Variants in CNTLN observed in about 807,000 individuals in gnomAD.
CNTLN encodes centlein, also known as centlein, centrosomal protein.
Under a neutral mutation model 180.0 loss-of-function variants are expected in CNTLN, and 212 were observed. The ratio of observed to expected loss-of-function variants is 1.18; its 90% confidence interval spans 1.05 to 1.32. CNTLN has a LOEUF of 1.32. CNTLN is among the 40% of genes most tolerant of loss of function. The pLI, the probability that CNTLN is intolerant of heterozygous loss-of-function variation, is 0.00. For missense variants in CNTLN, 2,095 were observed against 1,610.9 expected (o/e 1.30, Z -5.14); for synonymous variants, 722 against 563.1 (o/e 1.28, Z -3.99).
rs548187087 is a variant in CNTLN, at chr9:17,341,018, C to T, written c.1766+70C>T. 45 of 1,339,852 alleles carry T rather than the reference C, an allele frequency of 3.4e-5. 2 individuals are homozygous for T. In the South Asian group the frequency reaches 5.2e-4, roughly 15 times the overall value. 83.0% of individuals were successfully genotyped at this position (1,339,852 alleles called of 1,614,324 possible). On this transcript the variant is annotated intron_variant, in intron 11 of 25. Transcript: ENST00000380647. The stretch of plus-strand genomic sequence containing the variant: ...GAATGGAGTAGCATTATATAGGTGT[C>T]TTAATGGCTTTTGTTTGGTTTTAAA...
Position 17,342,384 on chromosome 9 carries a change from A to T in CNTLN, c.1826A>T (p.Asp609Val). The change falls in exon 12 of 26, where the codon GAC (aspartate) becomes GTC (valine). Residue 609 changes from aspartate (D) to valine (V), a missense_variant. By Grantham distance (152) the Asp-to-Val change is radical. Coordinates refer to ENST00000380647, the MANE Select transcript of CNTLN (RefSeq NM_017738.4). ...CAACAACTTCGACAAGAAGATTCTG[A>T]CGCTGTGTGGAATGAACTGGCATAT... ...DPQQLRQEDSDAVWNELAYFK... is the reference protein window; with the variant it reads ...DPQQLRQEDSVAVWNELAYFK... The T allele has an allele frequency of 6.2e-7, 1 of 1,612,362 alleles. No individual in the cohort carries two copies. Among genetic ancestry groups the T allele is most frequent in the Non-Finnish European group, 8.5e-7 (1 of 1,179,232 alleles).
At chr9:17,250,465 T>C (rs890559391) in intron 5 of CNTLN, among the ~76,000 whole-genome samples, 6 of 152,056 alleles carry the variant, frequency 3.9e-5, no homozygotes, top group African/African-American at 1.4e-4. Flanking sequence ...AGTTGATTTT[T>C]TCTAGTGACA....
intron 19 of CNTLN, 100 bp downstream of exon 19, chr9:17,457,815 T>C (rs1831220212): frequency 1.3e-6 from 1 of 767,750 alleles, no homozygotes; most frequent in East Asian, 3.4e-5. Flanking sequence ...AGGTAAATTA[T>C]GTTATAGATA....
At chr9:17,520,400 A>G in the CNTLN span, among the ~76,000 whole-genome samples, 5 of 152,158 alleles carry the variant, frequency 3.3e-5, no homozygotes, top group African/African-American at 4.8e-5. Flanking sequence ...TCCCTTAATA[A>G]CTTCTGCCTA....
intron 2 of CNTLN, among the ~76,000 whole-genome samples, chr9:17,193,779 GC>G (rs1821943028): frequency 6.6e-6 from 1 of 152,194 alleles, no homozygotes; most frequent in Non-Finnish European, 1.5e-5. Context: ...CTGTATGGGG[GC>G]TCCGATTCCA....
At chr9:17,267,316 A>T (rs1202500422) in intron 5 of CNTLN, among the ~76,000 whole-genome samples, 2 of 152,144 alleles carry the variant, frequency 1.3e-5, no homozygotes, top group African/African-American at 4.8e-5. Context: ...TTGGCTGGAT[A>T]TGAAATTCTG....
intron 12 of CNTLN, among the ~76,000 whole-genome samples, chr9:17,365,897 G>T (rs567660987): frequency 2.0e-5 from 3 of 152,186 alleles, no homozygotes; most frequent in South Asian, 4.1e-4. Context: ...AGTAAGCCAC[G>T]ATTGTGCCAC....
intron 5 of CNTLN, among the ~76,000 whole-genome samples, chr9:17,271,846 G>T (rs932289869): frequency 4.6e-5 from 7 of 152,074 alleles, no homozygotes; most frequent in African/African-American, 1.7e-4. Flanking sequence ...AATAATTTTT[G>T]ATTTGGTTCC....
chr9:17,351,835 T>C (rs1426371602), intron 12 of CNTLN, among the ~76,000 whole-genome samples: 2 of 152,204 alleles, frequency 1.3e-5, no homozygotes, highest in African/African-American at 4.8e-5. Flanking sequence ...TCCATTGCTC[T>C]TTAAGCAAAT....
At chr9:17,281,233 A>G (rs749114199) in intron 6 of CNTLN, among the ~76,000 whole-genome samples, 10 of 151,822 alleles carry the variant, frequency 6.6e-5, no homozygotes, top group Non-Finnish European at 1.2e-4. Context: ...TCTTAATTTT[A>G]TTACCCCCAT....
chr9:17,444,621 G>A (rs989155413), intron 18 of CNTLN, among the ~76,000 whole-genome samples: 4 of 152,124 alleles, frequency 2.6e-5, no homozygotes, highest in Non-Finnish European at 5.9e-5. Flanking sequence ...AGATCAACTG[G>A]CTTGATTAAT....
chr9:17,195,065 A>G (rs1822044553), intron 2 of CNTLN, among the ~76,000 whole-genome samples: 1 of 152,174 alleles, frequency 6.6e-6, no homozygotes, highest in East Asian at 1.9e-4. Context: ...TGGGAGTACA[A>G]CTGAAGATGA....
intron 2 of CNTLN, among the ~76,000 whole-genome samples, chr9:17,184,023 A>G (rs1051539289): frequency 3.9e-5 from 6 of 152,166 alleles, no homozygotes; most frequent in Admixed American, 3.9e-4. Context: ...TTGAAGTTTC[A>G]CATTGAGGTC....
intron 5 of CNTLN, among the ~76,000 whole-genome samples, chr9:17,255,320 G>T (rs1056175167): frequency 2.6e-5 from 4 of 151,674 alleles, no homozygotes; most frequent in Admixed American, 2.6e-4. Context: ...TTAGCTATAG[G>T]CTTTTTGTAT....
the CNTLN span, among the ~76,000 whole-genome samples, chr9:17,522,834 T>C: frequency 6.6e-6 from 1 of 152,194 alleles, no homozygotes; most frequent in South Asian, 2.1e-4. Context: ...GATTTTCCAT[T>C]CACCTGCATG....
chr9:17,398,318 C>T (rs1308545337), intron 15 of CNTLN, among the ~76,000 whole-genome samples: 1 of 152,054 alleles, frequency 6.6e-6, no homozygotes, highest in African/African-American at 2.4e-5. Flanking sequence ...CTTTATATTG[C>T]AAGTTGACTT....
intron 8 of CNTLN, among the ~76,000 whole-genome samples, chr9:17,311,256 C>A (rs1819111961): frequency 6.6e-6 from 1 of 151,836 alleles, no homozygotes; most frequent in Admixed American, 6.6e-5. Context: ...AACTCCTGAC[C>A]TCAGGTGATC....
At chr9:17,457,742 A>G in intron 19 of CNTLN, 27 bp downstream of exon 19, 1 of 1,310,914 alleles carries the variant, frequency 7.6e-7, no homozygotes, top group Non-Finnish European at 1.0e-6. Context: ...TTAAGCATGA[A>G]AACATACATT....
chr9:17,359,717 TAAAAATACAAA>T lies in CNTLN; in HGVS notation c.1887-6894_1887-6884del, dbSNP rs1487399096. Among the ~76,000 whole-genome samples, 20 of 13,478 alleles carry T rather than the reference TAAAAATACAAA, an allele frequency of 1.5e-3. 1 individual carries two copies. The highest frequency in any genetic ancestry group is 1.9e-3 in the African/African-American group (10 of 5,276). The allele number at this position is 13,478 out of a possible 152,430, so 8.8% of individuals were successfully genotyped here. On this transcript the variant is annotated intron_variant, in intron 12 of 25. Transcript: ENST00000380647. ...TAACACGGTGAAACTCCGTCTATAC[TAAAAATACAAA>T]AAAAAAAAAAAAAAAAAAAAAACTA...
Sources: gnomAD v4.1 joint callset for allele counts (sites outside exome capture counted in the v4.1 genomes callset) on GRCh38, gnomAD v4.1.1 for gene constraint, MANE v1.5 for transcripts, NCBI Gene and HGNC (gene_info 2026-07-23, HGNC 2026-07-21) for gene names.